SORCS2: variants seen among roughly 807,000 people sequenced by gnomAD.
The protein encoded by SORCS2 is VPS10 domain-containing receptor SorCS2.
In SORCS2, 100 loss-of-function variants were observed where a neutral mutation model predicts 141.6. The ratio of observed to expected loss-of-function variants is 0.71; its 90% CI spans 0.60 to 0.83. SORCS2 has a LOEUF of 0.83. SORCS2 is among the 40% of genes least tolerant of loss of function. The pLI is 0.00. For missense variants in SORCS2, 1,646 were observed against 1,560.2 expected, an observed-to-expected ratio of 1.05 and a Z score of -0.93; for synonymous variants, 789 against 676.9, an observed-to-expected ratio of 1.17 and a Z score of -2.57.
At chr4:7,407,217 G>GT (rs1725022464) in intron 2 of SORCS2, among the ~76,000 whole-genome samples, 2 of 152,028 alleles carry the variant, frequency 1.3e-5, no homozygotes, top group Admixed American at 1.3e-4. Flanking sequence ...TAACTCTGAT[G>GT]TTCCTTTGTT....
chr4:7,221,684 CAGGG>C (rs1728714213), intron 1 of SORCS2, among the ~76,000 whole-genome samples: 2 of 152,192 alleles, frequency 1.3e-5, no homozygotes, highest in Non-Finnish European at 2.9e-5. Context: ...GCCCACAGTC[CAGGG>C]ATGGGAGGCA....
chr4:7,460,322 G>A (rs1442720479), intron 2 of SORCS2, among the ~76,000 whole-genome samples: 1 of 152,202 alleles, frequency 6.6e-6, no homozygotes, highest in Admixed American at 6.5e-5. Context: ...GCCCACCTGG[G>A]CACTAACCAG....
intron 1 of SORCS2, among the ~76,000 whole-genome samples, chr4:7,246,823 C>G (rs1459163347): frequency 6.6e-6 from 1 of 152,212 alleles, no homozygotes; most frequent in Non-Finnish European, 1.5e-5. Flanking sequence ...TGATGAGGGC[C>G]TGGAACTCTT....
intron 1 of SORCS2, among the ~76,000 whole-genome samples, chr4:7,294,078 C>G (rs1387308350): frequency 6.6e-6 from 1 of 152,162 alleles, no homozygotes; most frequent in East Asian, 1.9e-4. Flanking sequence ...ATGACTGAAG[C>G]CAAAGTTGCC....
intron 23 of SORCS2, among the ~76,000 whole-genome samples, chr4:7,730,719 G>A (rs569372153): frequency 3.2e-4 from 48 of 152,334 alleles, no homozygotes; most frequent in African/African-American, 1.1e-3. Flanking sequence ...ATGAGTTGTT[G>A]CCAGGGGCTG....
At chr4:7,347,138 T>G (rs1720692049) in intron 1 of SORCS2, among the ~76,000 whole-genome samples, 1 of 152,148 alleles carries the variant, frequency 6.6e-6, no homozygotes, top group East Asian at 1.9e-4. Context: ...CATAATTGAG[T>G]TGGGACAATG....
At chr4:7,448,590 C>T (rs908009658) in intron 2 of SORCS2, among the ~76,000 whole-genome samples, 1 of 78,266 alleles carries the variant, frequency 1.3e-5, no homozygotes, top group Non-Finnish European at 2.6e-5. Flanking sequence ...TCTCCTTTCC[C>T]TCTCTTCCTC....
At chr4:7,504,296 G>A (rs1427885004) in intron 2 of SORCS2, among the ~76,000 whole-genome samples, 2 of 152,192 alleles carry the variant, frequency 1.3e-5, no homozygotes, top group Non-Finnish European at 1.5e-5. Context: ...TGGAGAACCA[G>A]GAGTGTGGAA....
intron 4 of SORCS2, among the ~76,000 whole-genome samples, chr4:7,641,529 C>T (rs1720726754): frequency 6.6e-6 from 1 of 152,200 alleles, no homozygotes; most frequent in South Asian, 2.1e-4. Flanking sequence ...CAGAGCCAAA[C>T]CATGTCAGGT....
intron 1 of SORCS2, among the ~76,000 whole-genome samples, chr4:7,331,912 C>T (rs996391231): frequency 2.0e-5 from 3 of 152,190 alleles, no homozygotes; most frequent in Admixed American, 2.0e-4. Context: ...GGCATTCCTA[C>T]AGGGTATGAC....
chr4:7,200,202 G>A (rs1400872927), intron 1 of SORCS2, among the ~76,000 whole-genome samples: 1 of 152,156 alleles, frequency 6.6e-6, no homozygotes, highest in African/African-American at 2.4e-5. Flanking sequence ...GGACCACCAG[G>A]GGCCGACTGA....
intron 3 of SORCS2, among the ~76,000 whole-genome samples, chr4:7,600,329 C>T (rs987563623): frequency 1.3e-5 from 2 of 152,200 alleles, no homozygotes; most frequent in African/African-American, 4.8e-5. Context: ...GGTGTCGCTG[C>T]TACAGTACGA....
At chr4:7,360,479 C>T (rs1721514877) in intron 1 of SORCS2, among the ~76,000 whole-genome samples, 1 of 149,774 alleles carries the variant, frequency 6.7e-6, no homozygotes, top group African/African-American at 2.5e-5. Flanking sequence ...CTCCCTGAGG[C>T]TGTGGCTCTT....
chr4:7,387,921 C>T (rs1320867160), intron 1 of SORCS2, among the ~76,000 whole-genome samples: 3 of 71,440 alleles, frequency 4.2e-5, no homozygotes, highest in South Asian at 4.5e-4. Context: ...CATGCACACA[C>T]CCACATGCAC....
intron 2 of SORCS2, among the ~76,000 whole-genome samples, chr4:7,487,127 A>ATG (rs1039404076): frequency 6.6e-6 from 1 of 152,072 alleles, no homozygotes; most frequent in African/African-American, 2.4e-5. Context: ...GGTGGTAACG[A>ATG]TGTGACTCAC....
chr4:7,427,123 G>A (rs1361752046), intron 2 of SORCS2, among the ~76,000 whole-genome samples: 1 of 152,160 alleles, frequency 6.6e-6, no homozygotes, highest in Non-Finnish European at 1.5e-5. Flanking sequence ...GAGGTGCTGG[G>A]GAGAATCCTG....
intron 1 of SORCS2, among the ~76,000 whole-genome samples, chr4:7,278,981 G>A (rs1577349636): frequency 6.6e-6 from 1 of 152,280 alleles, no homozygotes; most frequent in Middle Eastern, 3.4e-3. Flanking sequence ...GCCATTGCAA[G>A]TCCTCGTCCA....
chr4:7,734,399 T>C, intron 25 of SORCS2, 25 bp downstream of exon 25: 1 of 1,456,668 alleles, frequency 6.9e-7, no homozygotes, highest in Non-Finnish European at 9.2e-7. Context: ...TGCCCTCCTC[T>C]GCGGGGCTCT....
At chr4:7,728,496 C>A (rs1727377454) in intron 22 of SORCS2, 34 bp downstream of exon 22, 1 of 1,513,712 alleles carries the variant, frequency 6.6e-7, no homozygotes, top group South Asian at 1.2e-5. Context: ...TCCCCAGCCC[C>A]ACGGTGCTTC....
Sources: gnomAD v4.1 joint callset for allele counts (sites outside exome capture counted in the v4.1 genomes callset) on GRCh38, gnomAD v4.1.1 for gene constraint, MANE v1.5 for transcripts, NCBI Gene and HGNC (gene_info 2026-07-23, HGNC 2026-07-21) for gene names.